The following FERRY3 variants were observed in gnomAD, a reference collection of about 807,000 sequenced individuals.
FERRY3 encodes the protein protein C12orf4.
the FERRY3 span, among the ~76,000 whole-genome samples, chr12:4,506,822 A>G: frequency 2.0e-5 from 3 of 152,208 alleles, no homozygotes; most frequent in Non-Finnish European, 4.4e-5. Flanking sequence ...AAGAAAAATA[A>G]TGGAATGTCT....
At chr12:4,505,267 A>G in the FERRY3 span, 2 of 1,301,164 alleles carry the variant, frequency 1.5e-6, no homozygotes, top group Non-Finnish European at 2.2e-6. Flanking sequence ...ATCTTTTGGT[A>G]TAAGAAAACA....
At chr12:4,518,431 AC>A in the FERRY3 span, among the ~76,000 whole-genome samples, 1 of 152,228 alleles carries the variant, frequency 6.6e-6, no homozygotes, top group Non-Finnish European at 1.5e-5. Flanking sequence ...TCTGCAAAAA[AC>A]ATTATATAAA....
At chr12:4,515,743 T>C in the FERRY3 span, among the ~76,000 whole-genome samples, 3 of 152,188 alleles carry the variant, frequency 2.0e-5, no homozygotes, top group African/African-American at 7.2e-5. Flanking sequence ...ACAATGTGAT[T>C]ATATTTAACA....
chr12:4,500,158 G>C, the FERRY3 span: 5 of 1,613,656 alleles, frequency 3.1e-6, no homozygotes, highest in Non-Finnish European at 4.2e-6. Flanking sequence ...TCATGTACCA[G>C]CAAGAGAGGA....
chr12:4,498,844 C>T, the FERRY3 span, among the ~76,000 whole-genome samples: 13 of 152,280 alleles, frequency 8.5e-5, no homozygotes, highest in South Asian at 1.9e-3. Flanking sequence ...CCCTCGCACA[C>T]GCAGTTCACA....
chr12:4,527,348 CA>C, the FERRY3 span, among the ~76,000 whole-genome samples: 1 of 150,206 alleles, frequency 6.7e-6, no homozygotes, highest in African/African-American at 2.4e-5. Context: ...GTTGATGATA[CA>C]ATATATTTTT....
the FERRY3 span, chr12:4,491,101 CTCT>C: frequency 8.2e-6 from 11 of 1,340,214 alleles, no homozygotes; most frequent in Admixed American, 1.9e-4. Context: ...TTCACATTCT[CTCT>C]TCTGGGTTGC....
the FERRY3 span, chr12:4,525,669 G>C: frequency 1.0e-6 from 1 of 956,996 alleles, no homozygotes; most frequent in African/African-American, 1.7e-5. Flanking sequence ...TCTCTATAAA[G>C]TGAAAATAAA....
chr12:4,525,272 G>A, the FERRY3 span: 7 of 1,613,392 alleles, frequency 4.3e-6, no homozygotes, highest in Non-Finnish European at 5.9e-6. Context: ...GCTGTTGTTG[G>A]GGTTTTTTAG....
the FERRY3 span, chr12:4,516,975 C>T: frequency 8.7e-7 from 1 of 1,144,216 alleles, no homozygotes; most frequent in Non-Finnish European, 1.1e-6. Flanking sequence ...CTTCCACCAA[C>T]ATAATTTTCT....
the FERRY3 span, among the ~76,000 whole-genome samples, chr12:4,492,881 A>G: frequency 6.6e-6 from 1 of 152,194 alleles, no homozygotes; most frequent in African/African-American, 2.4e-5. Flanking sequence ...ACATACTTTA[A>G]AGCCAAAGCT....
chr12:4,508,920 T>A, the FERRY3 span: 2 of 153,090 alleles, frequency 1.3e-5, no homozygotes, highest in Non-Finnish European at 2.9e-5. Flanking sequence ...GATGGCCAAA[T>A]AGGAACAGCT....
the FERRY3 span, chr12:4,530,119 G>C: frequency 7.0e-7 from 1 of 1,419,510 alleles, no homozygotes; most frequent in African/African-American, 1.5e-5. Flanking sequence ...TACTAGAAAA[G>C]TATGTATGAT....
chr12:4,502,106 C>T, the FERRY3 span, among the ~76,000 whole-genome samples: 5 of 152,290 alleles, frequency 3.3e-5, no homozygotes, highest in South Asian at 1.0e-3. The surrounding 1 kb of genome is among the most constrained non-coding windows in gnomAD (Gnocchi z 4.2). Context: ...TCAAAAGTCA[C>T]CTCCTCAGAA....
At chr12:4,529,807 C>T in the FERRY3 span, 1 of 1,330,650 alleles carries the variant, frequency 7.5e-7, no homozygotes, top group Non-Finnish European at 1.0e-6. Context: ...ACAAGTTGTT[C>T]TGCAGGCCAT....
the FERRY3 span, chr12:4,489,565 T>C: frequency 6.7e-6 from 2 of 296,414 alleles, no homozygotes; most frequent in Admixed American, 4.7e-5. Context: ...TATTCACAGG[T>C]AACACAGAGA....
the FERRY3 span, among the ~76,000 whole-genome samples, chr12:4,528,935 ACAC>A: frequency 4.2e-4 from 61 of 143,728 alleles, no homozygotes; most frequent in African/African-American, 1.5e-3. Flanking sequence ...ACACACACAC[ACAC>A]AAACAAAAGT....
chr12:4,528,896 T>C, the FERRY3 span, among the ~76,000 whole-genome samples: 1 of 131,564 alleles, frequency 7.6e-6, no homozygotes, highest in Non-Finnish European at 1.6e-5. Context: ...TTAAATCAGT[T>C]ACACACACAC....
the FERRY3 span, among the ~76,000 whole-genome samples, chr12:4,507,348 T>C: frequency 6.6e-6 from 1 of 152,186 alleles, no homozygotes; most frequent in Admixed American, 6.5e-5. Context: ...CTGAAAGGTT[T>C]TGTTAGGATA....
Sources: gnomAD v4.1 joint callset for allele counts (sites outside exome capture counted in the v4.1 genomes callset) on GRCh38, gnomAD v4.1.1 for gene constraint, Gnocchi (gnomAD v3.1) non-coding constraint, MANE v1.5 for transcripts, NCBI Gene and HGNC (gene_info 2026-07-23, HGNC 2026-07-21) for gene names.